Variants in CADPS2 observed in about 807,000 individuals in gnomAD.
The protein encoded by CADPS2 is calcium dependent secretion activator 2.
Under a neutral mutation model 172.5 loss-of-function variants are expected in CADPS2, and 93 were observed. The observed-to-expected ratio is 0.54, with a 90% CI of 0.46 to 0.64. CADPS2 has a LOEUF of 0.64. CADPS2 is among the 30% of genes least tolerant of loss of function. The probability of loss-of-function intolerance (pLI) is 0.00; values close to 1 mark genes in which losing one functional copy is unlikely to be tolerated. For missense variants in CADPS2, 1,420 were observed against 1,565.9 expected, an observed-to-expected ratio of 0.91 and a Z score of 1.57; for synonymous variants, 546 against 555.2, an observed-to-expected ratio of 0.98 and a Z score of 0.23.
In CADPS2 at chr7:122,356,335, A is replaced by G. The variant is rs80300884; in HGVS notation, c.3504+4453T>C. Among the ~76,000 whole-genome samples, 405 of 152,272 alleles carry G rather than the reference A, an allele frequency of 2.7e-3. 1 individual carries two copies. Among genetic ancestry groups the G allele is most frequent in the African/African-American group, 8.8e-3 (367 of 41,548 alleles). The stretch of plus-strand genomic sequence containing the variant: ...TTTTTGATGATTAGACTGCAGTTAC[A>G]AGATTTTTAGAGGAAGACCATAGAG... On this transcript the variant is annotated intron_variant, in intron 27 of 29. Transcript: ENST00000449022.
chr7:122,545,095 T>C (rs4727942), intron 8 of CADPS2, among the ~76,000 whole-genome samples: 1 of 151,958 alleles, frequency 6.6e-6, no homozygotes, highest in Non-Finnish European at 1.5e-5. Context: ...CCACCTCCCA[T>C]TCCAGATTCT....
intron 1 of CADPS2, among the ~76,000 whole-genome samples, chr7:122,838,178 C>A (rs946361717): frequency 7.9e-5 from 12 of 152,136 alleles, no homozygotes; most frequent in African/African-American, 9.7e-5. Flanking sequence ...AAGACAAAAA[C>A]CACATGATTA....
chr7:122,685,726 C>T (rs2083539439), intron 2 of CADPS2, among the ~76,000 whole-genome samples: 2 of 152,172 alleles, frequency 1.3e-5, no homozygotes, highest in Admixed American at 1.3e-4. Flanking sequence ...CAAGTAAGCT[C>T]CATGATGGCA....
chr7:122,640,767 TA>T (rs1012241978), intron 3 of CADPS2, among the ~76,000 whole-genome samples: 100 of 151,652 alleles, frequency 6.6e-4, no homozygotes, highest in African/African-American at 2.1e-3. Flanking sequence ...ACGTCTCTAC[TA>T]AAAAAAATAC....
At chr7:122,352,207 T>C (rs1251947744) in intron 27 of CADPS2, among the ~76,000 whole-genome samples, 2 of 152,226 alleles carry the variant, frequency 1.3e-5, no homozygotes, top group African/African-American at 2.4e-5. Flanking sequence ...ATGAGCTTTA[T>C]ACTATTATAT....
At chr7:122,834,713 T>C (rs1052693756) in intron 1 of CADPS2, among the ~76,000 whole-genome samples, 6 of 152,142 alleles carry the variant, frequency 3.9e-5, no homozygotes, top group Non-Finnish European at 7.4e-5. Flanking sequence ...GAGATCAAAC[T>C]GCAAGGCGGC....
chr7:122,718,390 T>G (rs2089946318), intron 2 of CADPS2, among the ~76,000 whole-genome samples: 1 of 150,098 alleles, frequency 6.7e-6, no homozygotes, highest in Non-Finnish European at 1.5e-5. Context: ...GAAAAGGAGG[T>G]AGGAGAGAAG....
At chr7:122,780,970 C>T (rs1792554240) in intron 1 of CADPS2, among the ~76,000 whole-genome samples, 1 of 152,178 alleles carries the variant, frequency 6.6e-6, no homozygotes, top group South Asian at 2.1e-4. Flanking sequence ...TGTGGGAGTG[C>T]TGAGTCAAAG....
At chr7:122,336,190 T>A (rs1316773261) in intron 28 of CADPS2, among the ~76,000 whole-genome samples, 1 of 152,166 alleles carries the variant, frequency 6.6e-6, no homozygotes, top group Non-Finnish European at 1.5e-5. Context: ...TTACACAGAT[T>A]TTTTTTCTTG....
At chr7:122,376,771 G>A (rs922957498) in intron 25 of CADPS2, among the ~76,000 whole-genome samples, 5 of 152,052 alleles carry the variant, frequency 3.3e-5, no homozygotes, top group Admixed American at 2.0e-4. Flanking sequence ...TGATGGATAC[G>A]TTTATGGTAC....
At chr7:122,564,740 A>G (rs2066184613) in intron 7 of CADPS2, among the ~76,000 whole-genome samples, 1 of 152,144 alleles carries the variant, frequency 6.6e-6, no homozygotes, top group South Asian at 2.1e-4. Context: ...GTTAGTCACA[A>G]TAACAAAGTC....
At chr7:122,401,907 C>T (rs2046002127) in intron 20 of CADPS2, among the ~76,000 whole-genome samples, 1 of 152,232 alleles carries the variant, frequency 6.6e-6, no homozygotes, top group South Asian at 2.1e-4. Flanking sequence ...GTGCTCTTCC[C>T]TTGAGGAAAA....
rs182111733 is a variant in CADPS2, at chr7:122,491,479, T to C, written c.1543-59A>G. ...ACATTAAATTTACCAAATTTAACTT[T>C]CGTTTTTTTATCAAAATACTCTTTT... On this transcript the variant is annotated intron_variant, in intron 9 of 29. Transcript: ENST00000449022. The C allele has an allele frequency of 1.2e-3, 1,029 of 861,882 alleles. 6 individuals carry two copies. The highest frequency in any genetic ancestry group is 2.9e-3 in the South Asian group (160 of 54,322). The allele number at this position is 861,882 out of a possible 1,614,324, so 53.4% of individuals were successfully genotyped here.
intron 7 of CADPS2, among the ~76,000 whole-genome samples, chr7:122,561,098 A>G (rs2065700270): frequency 6.6e-6 from 1 of 152,196 alleles, no homozygotes; most frequent in Non-Finnish European, 1.5e-5. Flanking sequence ...CTACTTAGTG[A>G]AAACAAAGAA....
At chr7:122,351,147 C>T (rs372070330) in intron 27 of CADPS2, among the ~76,000 whole-genome samples, 4 of 151,686 alleles carry the variant, frequency 2.6e-5, no homozygotes, top group African/African-American at 4.8e-5. Flanking sequence ...GGGCAGATCA[C>T]GAAGTCAGGA....
chr7:122,768,943 A>C lies in CADPS2; in HGVS notation c.340-31875T>G, dbSNP rs553265868. The stretch of plus-strand genomic sequence containing the variant: ...ACCTGAAAGACAGCATATGCTGCTA[A>C]GTGCCATTATCAGAAAAAAAAAAAG... On this transcript the variant is annotated intron_variant, in intron 1 of 29. Coordinates refer to ENST00000449022, the MANE Select transcript of CADPS2 (RefSeq NM_017954.11). Among the ~76,000 whole-genome samples, 14 of 152,194 alleles carry C rather than the reference A, an allele frequency of 9.2e-5. No individual in the cohort carries two copies. In the South Asian group the frequency reaches 1.2e-3, roughly 14 times the overall value.
chr7:122,646,843 A>G (rs1421597105), intron 3 of CADPS2, among the ~76,000 whole-genome samples: 2 of 152,166 alleles, frequency 1.3e-5, no homozygotes, highest in Non-Finnish European at 2.9e-5. Flanking sequence ...GATTACTGTC[A>G]TGCTCCCTAT....
intron 28 of CADPS2, 64 bp downstream of exon 28, chr7:122,345,510 A>C: frequency 3.0e-6 from 3 of 986,622 alleles, no homozygotes; most frequent in Non-Finnish European, 3.2e-6. Flanking sequence ...TACCATCAAA[A>C]TTCAACTTTT....
intron 1 of CADPS2, among the ~76,000 whole-genome samples, chr7:122,874,447 G>T (rs575917850): frequency 4.6e-5 from 7 of 152,226 alleles, no homozygotes; most frequent in African/African-American, 1.4e-4. Flanking sequence ...CCATGAAAAT[G>T]GCCACACTAC....
Sources: gnomAD v4.1 joint callset for allele counts (sites outside exome capture counted in the v4.1 genomes callset) on GRCh38, gnomAD v4.1.1 for gene constraint, MANE v1.5 for transcripts, NCBI Gene and HGNC (gene_info 2026-07-23, HGNC 2026-07-21) for gene names.